Variants in CHCHD6 observed in about 807,000 individuals in gnomAD.
The protein encoded by CHCHD6 is coiled-coil-helix-coiled-coil-helix domain containing 6, also known as MICOS complex subunit MIC25.
Under a neutral mutation model 32.3 loss-of-function variants are expected in CHCHD6, and 28 were observed. The ratio of observed to expected loss-of-function variants is 0.87; its 90% CI spans 0.64 to 1.19. The LOEUF (loss-of-function observed/expected upper bound fraction) is 1.19. Among genes scored for constraint, CHCHD6 ranks in the 50% most tolerant of loss-of-function variants. The pLI, the probability that CHCHD6 is intolerant of heterozygous loss-of-function variation, is 0.00. For synonymous variants in CHCHD6, 122 were observed against 117.5 expected, an observed-to-expected ratio of 1.04 and a Z score of -0.25; for missense variants, 333 against 307.0, an observed-to-expected ratio of 1.08 and a Z score of -0.63.
intron 5 of CHCHD6, among the ~76,000 whole-genome samples, chr3:126,855,945 A>G (rs1159263149): frequency 2.0e-5 from 3 of 152,228 alleles, no homozygotes; most frequent in Non-Finnish European, 2.9e-5. Context: ...ACCACTGCTC[A>G]CAAAGAGCAT....
At chr3:126,937,229 C>T (rs1407628768) in intron 6 of CHCHD6, among the ~76,000 whole-genome samples, 2 of 152,234 alleles carry the variant, frequency 1.3e-5, no homozygotes, top group African/African-American at 4.8e-5. Flanking sequence ...TGATTTCCAC[C>T]ACGCCATACG....
chr3:126,827,247 A>G (rs950774671), intron 4 of CHCHD6, among the ~76,000 whole-genome samples: 6 of 152,174 alleles, frequency 3.9e-5, no homozygotes, highest in Non-Finnish European at 5.9e-5. Context: ...GAAATGACAC[A>G]ATCAGATGTG....
intron 4 of CHCHD6, among the ~76,000 whole-genome samples, chr3:126,791,592 G>A (rs1057442634): frequency 4.6e-5 from 7 of 152,214 alleles, no homozygotes; most frequent in Admixed American, 1.3e-4. Context: ...AACAATGAGC[G>A]AGGCTCCGTG....
intron 6 of CHCHD6, among the ~76,000 whole-genome samples, chr3:126,939,256 T>G (rs2078525241): frequency 6.6e-6 from 1 of 152,300 alleles, no homozygotes; most frequent in Admixed American, 6.5e-5. Context: ...GGCTTTATTT[T>G]GATGCCTTGG....
chr3:126,895,557 A>T (rs985861425), intron 5 of CHCHD6, among the ~76,000 whole-genome samples: 5 of 152,262 alleles, frequency 3.3e-5, no homozygotes, highest in Non-Finnish European at 5.9e-5. Context: ...TCAAGTTCCC[A>T]TGAAAGGCCC....
chr3:126,862,593 T>C (rs1002343217), intron 5 of CHCHD6, among the ~76,000 whole-genome samples: 192 of 12,720 alleles, frequency 0.015, no homozygotes, highest in Middle Eastern at 0.071. Flanking sequence ...CCATCACCTC[T>C]TCCTCCACCA....
chr3:126,709,911 AT>A (rs1314530774), intron 1 of CHCHD6, among the ~76,000 whole-genome samples: 1 of 152,168 alleles, frequency 6.6e-6, no homozygotes, highest in African/African-American at 2.4e-5. Context: ...ATACTATGCC[AT>A]TTTATAAAAG....
intron 5 of CHCHD6, among the ~76,000 whole-genome samples, chr3:126,876,287 T>A (rs1490022372): frequency 6.6e-6 from 1 of 152,180 alleles, no homozygotes; most frequent in African/African-American, 2.4e-5. Flanking sequence ...GAAAGAAGCT[T>A]GATGAGTTCA....
At chr3:126,910,015 G>T (rs1304251279) in intron 5 of CHCHD6, among the ~76,000 whole-genome samples, 1 of 152,290 alleles carries the variant, frequency 6.6e-6, no homozygotes, top group Admixed American at 6.5e-5. Flanking sequence ...AGTAAGTCAC[G>T]CCTATAATCC....
intron 2 of CHCHD6, among the ~76,000 whole-genome samples, chr3:126,730,184 G>T (rs1935725802): frequency 6.6e-6 from 1 of 152,108 alleles, no homozygotes; most frequent in Admixed American, 6.5e-5. Context: ...ACCTCTACCC[G>T]GGAGGTTGTC....
At chr3:126,953,985 T>C (rs1358668233) in intron 6 of CHCHD6, among the ~76,000 whole-genome samples, 1 of 152,174 alleles carries the variant, frequency 6.6e-6, no homozygotes, top group African/African-American at 2.4e-5. Context: ...CACCTACTTT[T>C]GTGAATGGCT....
In CHCHD6 at chr3:126,853,540, G is replaced by T. The variant is rs536639528; in HGVS notation, c.495+810G>T. Among the ~76,000 whole-genome samples the T allele has an allele frequency of 2.0e-5, 3 of 152,274 alleles. No homozygotes were observed. The South Asian group carries it at 6.2e-4, about 32-fold the overall frequency. ...TGCTTGAGGGGCCTGATTTCCACAG[G>T]GGTTTTCTCCTGTGGCATGCCACAG... On this transcript the variant is annotated intron_variant, in intron 5 of 7. Coordinates refer to ENST00000290913, the MANE Select transcript of CHCHD6 (RefSeq NM_032343.3).
rs116176799 is a variant in CHCHD6 at position 126,903,698 on chromosome 3, G to A, written c.496-10982G>A. On this transcript the variant is annotated intron_variant, in intron 5 of 7. Transcript: ENST00000290913. ...AGATAGTGGTGCCACCCAACTGGAC[G>A]GCCCTGCCTCCTCCCACACCCTGCC... is the stretch of plus-strand genomic sequence containing the variant. Among the ~76,000 whole-genome samples, 291 of 152,282 alleles carry A rather than the reference G, an allele frequency of 1.9e-3. 1 individual carries two copies. Among genetic ancestry groups the A allele is most frequent in the African/African-American group, 5.4e-3 (225 of 41,552 alleles).
At chr3:126,872,792 G>A (rs549323958) in intron 5 of CHCHD6, among the ~76,000 whole-genome samples, 3 of 152,286 alleles carry the variant, frequency 2.0e-5, no homozygotes, top group Admixed American at 1.3e-4. Flanking sequence ...TTCTCCAGGC[G>A]AGTAACAGTT....
At chr3:126,751,850 A>C (rs1424351739) in intron 4 of CHCHD6, among the ~76,000 whole-genome samples, 3 of 152,172 alleles carry the variant, frequency 2.0e-5, no homozygotes, top group Non-Finnish European at 4.4e-5. Flanking sequence ...ATAAGGGACA[A>C]GCTTAGAGCA....
At chr3:126,888,982 T>G (rs1249714688) in intron 5 of CHCHD6, among the ~76,000 whole-genome samples, 1 of 152,116 alleles carries the variant, frequency 6.6e-6, no homozygotes, top group Non-Finnish European at 1.5e-5. Flanking sequence ...TATATGGGTG[T>G]GGAGACACAT....
chr3:126,724,226 G>A (rs1460598943), intron 1 of CHCHD6, among the ~76,000 whole-genome samples: 2 of 152,194 alleles, frequency 1.3e-5, no homozygotes, highest in Non-Finnish European at 2.9e-5. Context: ...AGAAGCACAT[G>A]TGTGTTGTCA....
At chr3:126,718,588 T>C (rs1935133553) in intron 1 of CHCHD6, among the ~76,000 whole-genome samples, 2 of 152,208 alleles carry the variant, frequency 1.3e-5, no homozygotes, top group African/African-American at 4.8e-5. Context: ...GGAGGCTCCA[T>C]TTCCTAGGTG....
chr3:126,847,231 A>G (rs1941324611), intron 4 of CHCHD6, among the ~76,000 whole-genome samples: 1 of 152,128 alleles, frequency 6.6e-6, no homozygotes, highest in Non-Finnish European at 1.5e-5. Context: ...CGGGGCTGCT[A>G]TCTCATTTGA....
Sources: allele counts gnomAD v4.1 joint callset (sites outside exome capture counted in the v4.1 genomes callset), GRCh38; gene constraint gnomAD v4.1.1; transcripts MANE v1.5; gene names NCBI Gene and HGNC (gene_info 2026-07-23, HGNC 2026-07-21).